HMGA2: variants seen among roughly 807,000 people sequenced by gnomAD.
The protein encoded by HMGA2 is high mobility group AT-hook 2.
Under a neutral mutation model 19.1 loss-of-function variants are expected in HMGA2, and 8 were observed. That is an observed-to-expected ratio of 0.42 (90% confidence interval 0.25 to 0.76). The LOEUF (loss-of-function observed/expected upper bound fraction) is 0.76. HMGA2 is among the 30% of genes least tolerant of loss of function. The pLI is 0.28. For synonymous variants in HMGA2, 60 were observed against 48.8 expected (o/e 1.23, Z -0.96); for missense variants, 109 against 136.3 (o/e 0.80, Z 1.00).
chr12:65,836,398 G>T (rs1206186607), intron 2 of HMGA2, among the ~76,000 whole-genome samples: 1 of 151,996 alleles, frequency 6.6e-6, no homozygotes, highest in African/African-American at 2.4e-5. Flanking sequence ...CCCTTTAAGG[G>T]TTCCATCTAG....
rs78638824 is a variant in HMGA2 at position 65,844,621 on chromosome 12, A to G, written c.249+6052A>G. Among the ~76,000 whole-genome samples the G allele has an allele frequency of 2.7e-3, 408 of 152,354 alleles. 4 individuals are homozygous for G. The highest frequency in any genetic ancestry group is 9.1e-3 in the African/African-American group (379 of 41,584). On this transcript the variant is annotated intron_variant, in intron 3 of 4. Coordinates refer to ENST00000403681, the MANE Select transcript of HMGA2 (RefSeq NM_003483.6). ...TCATTTGTTTTAATATGTAAGTGCTATTCTTAATTATTCTGTTAAATGAAG... is the reference window on the plus strand; with the variant it reads ...TCATTTGTTTTAATATGTAAGTGCTGTTCTTAATTATTCTGTTAAATGAAG...
intron 3 of HMGA2, among the ~76,000 whole-genome samples, chr12:65,950,168 CAA>C (rs1461192787): frequency 6.6e-6 from 1 of 152,120 alleles, no homozygotes; most frequent in Non-Finnish European, 1.5e-5. Context: ...AAAAGTGAAA[CAA>C]AGAATTACAA....
At chr12:65,862,190 CTGTTT>C (rs1872127868) in intron 3 of HMGA2, among the ~76,000 whole-genome samples, 2 of 152,046 alleles carry the variant, frequency 1.3e-5, no homozygotes, top group African/African-American at 2.4e-5. Flanking sequence ...GAGAGTCATA[CTGTTT>C]TAAGAGAGTT....
intron 2 of HMGA2, among the ~76,000 whole-genome samples, chr12:65,837,844 C>T (rs188919865): frequency 3.6e-4 from 55 of 152,252 alleles, no homozygotes; most frequent in African/African-American, 1.3e-3. Context: ...TTTCTAGGCA[C>T]ATATAGTTTT....
chr12:65,936,464 A>G (rs768846973), intron 3 of HMGA2, among the ~76,000 whole-genome samples: 15 of 152,198 alleles, frequency 9.9e-5, no homozygotes, highest in Admixed American at 8.5e-4. Flanking sequence ...AGCTGAAACT[A>G]GAATTCCAAA....
At chr12:65,867,839 C>T (rs1872509321) in intron 3 of HMGA2, 1 of 164,048 alleles carries the variant, frequency 6.1e-6, no homozygotes, top group African/African-American at 2.4e-5. Context: ...CTTACACATT[C>T]CCAGAAGACC....
chr12:65,956,922 A>G (rs1592467963), intron 4 of HMGA2: 1 of 152,234 alleles, frequency 6.6e-6, no homozygotes, highest in Non-Finnish European at 1.5e-5. Flanking sequence ...ACAAATAGCA[A>G]CTGGCTTTAA....
chr12:65,876,219 GT>G (rs1592410963), intron 3 of HMGA2, among the ~76,000 whole-genome samples: 1 of 146,274 alleles, frequency 6.8e-6, no homozygotes, highest in East Asian at 2.1e-4. Flanking sequence ...TTTAAGGCCT[GT>G]TTTTTCAAAA....
At chr12:65,834,705 A>G (rs1320210962) in intron 2 of HMGA2, among the ~76,000 whole-genome samples, 3 of 151,798 alleles carry the variant, frequency 2.0e-5, no homozygotes, top group Non-Finnish European at 4.4e-5. Context: ...AGTGCTAAGC[A>G]CTGTTTTCAA....
intron 3 of HMGA2, among the ~76,000 whole-genome samples, chr12:65,921,149 G>A (rs768095433): frequency 3.3e-5 from 5 of 152,354 alleles, no homozygotes; most frequent in Non-Finnish European, 7.3e-5. Flanking sequence ...CTAGAGATTT[G>A]TGGAACTTTG....
intron 4 of HMGA2, among the ~76,000 whole-genome samples, chr12:65,960,658 G>A (rs1876727372): frequency 6.6e-6 from 1 of 152,220 alleles, no homozygotes; most frequent in Non-Finnish European, 1.5e-5. Context: ...TTCTGAGCAT[G>A]TGAGAGCCAC....
chr12:65,878,047 G>A (rs1873145549), intron 3 of HMGA2, among the ~76,000 whole-genome samples: 1 of 152,138 alleles, frequency 6.6e-6, no homozygotes, highest in Non-Finnish European at 1.5e-5. Flanking sequence ...GAGGTGTCCT[G>A]GGGAGTGTTC....
At chr12:65,923,807 C>T (rs1361177922) in intron 3 of HMGA2, among the ~76,000 whole-genome samples, 4 of 152,018 alleles carry the variant, frequency 2.6e-5, no homozygotes, top group African/African-American at 7.3e-5. Context: ...GTCGGGAGCT[C>T]GAGACCAGCC....
intron 3 of HMGA2, among the ~76,000 whole-genome samples, chr12:65,879,945 A>G (rs1321491658): frequency 6.6e-6 from 1 of 152,256 alleles, no homozygotes; most frequent in African/African-American, 2.4e-5. Flanking sequence ...CATCCTTACA[A>G]CAGCATTAAA....
In HMGA2 at chr12:65,859,363, G is replaced by A. The variant is rs1262353870; in HGVS notation, c.249+20794G>A. 3.3e-5 allele frequency: 5 copies of A among 152,152 alleles called. No individual in the cohort carries two copies. The East Asian group carries it at 9.6e-4, about 29-fold the overall frequency. The allele number at this position is 152,152 out of a possible 1,614,324, so 9.4% of individuals were successfully genotyped here. On this transcript the variant is annotated intron_variant, in intron 3 of 4. Coordinates refer to ENST00000403681, the MANE Select transcript of HMGA2 (RefSeq NM_003483.6). Reference sequence around the variant, plus strand: ...GCTCTTGTTACATGTGTGTCCTGAGGCCACTTCCAGATTGTTCTTCCTCTG... The same window carrying A: ...GCTCTTGTTACATGTGTGTCCTGAGACCACTTCCAGATTGTTCTTCCTCTG...
chr12:65,850,514 A>AT (rs75062051), intron 3 of HMGA2, among the ~76,000 whole-genome samples: 224 of 143,836 alleles, frequency 1.6e-3, no homozygotes, highest in East Asian at 8.8e-3. Flanking sequence ...AAGAGACCGA[A>AT]TTTTTTTTTT....
rs369336717 is a variant in HMGA2, at chr12:65,910,482, G to A, written c.250-40901G>A. 1.1e-4 allele frequency among the ~76,000 whole-genome samples: 17 copies of A among 152,234 alleles called. No individual in the cohort carries two copies. In the South Asian group the frequency reaches 2.9e-3, roughly 26 times the overall value. ...TCCTCACACCTACCACATAGATTCTGTTGTCCCAATGTTATAGATTATTGA... is the reference window on the plus strand; with the variant it reads ...TCCTCACACCTACCACATAGATTCTATTGTCCCAATGTTATAGATTATTGA... On this transcript the variant is annotated intron_variant, in intron 3 of 4. Coordinates refer to ENST00000403681, the MANE Select transcript of HMGA2 (RefSeq NM_003483.6).
chr12:65,960,454 G>T (rs373649452), intron 4 of HMGA2, among the ~76,000 whole-genome samples: 1 of 152,130 alleles, frequency 6.6e-6, no homozygotes, highest in Admixed American at 6.5e-5. Flanking sequence ...CACACTTGTC[G>T]TACAGAATCC....
At chr12:65,862,613 TA>T (rs1333880006) in intron 3 of HMGA2, among the ~76,000 whole-genome samples, 1 of 152,238 alleles carries the variant, frequency 6.6e-6, no homozygotes, top group Admixed American at 6.5e-5. Context: ...CATCAAGGAT[TA>T]GACCTGGACT....
Sources: gnomAD v4.1 joint callset for allele counts (sites outside exome capture counted in the v4.1 genomes callset) on GRCh38, gnomAD v4.1.1 for gene constraint, MANE v1.5 for transcripts, NCBI Gene and HGNC (gene_info 2026-07-23, HGNC 2026-07-21) for gene names.